The following TCAF1 variants were observed in gnomAD, a reference collection of about 807,000 sequenced individuals.
TCAF1 encodes the protein TRPM8 channel-associated factor 1.
Under a neutral mutation model 27.3 loss-of-function variants are expected in TCAF1, and 4 were observed. That is an observed-to-expected ratio of 0.15 (90% CI 0.07 to 0.34). The LOEUF (loss-of-function observed/expected upper bound fraction) is 0.34, where lower values mean the gene tolerates loss of function less well. Ranked by LOEUF, TCAF1 falls within the 10% of genes least tolerant of loss-of-function variation. TCAF1 has a pLI of 1.00. For missense variants in TCAF1, 257 were observed against 425.8 expected, an observed-to-expected ratio of 0.60 and a Z score of 3.49; for synonymous variants, 105 against 167.1, an observed-to-expected ratio of 0.63 and a Z score of 2.87.
At chr7:143,888,231 A>G (rs1466056409) in intron 1 of TCAF1, among the ~76,000 whole-genome samples, 1 of 152,230 alleles carries the variant, frequency 6.6e-6, no homozygotes, top group Non-Finnish European at 1.5e-5. Context: ...ATAGGAAAGT[A>G]GAGAGTACAC....
At chr7:143,881,151 G>T (rs1410423655) in intron 1 of TCAF1, among the ~76,000 whole-genome samples, 1 of 152,200 alleles carries the variant, frequency 6.6e-6, no homozygotes, top group Non-Finnish European at 1.5e-5. Context: ...GGAGGGCCAT[G>T]CTGGATGCTG....
chr7:143,883,605 A>G (rs1813222412), intron 1 of TCAF1, among the ~76,000 whole-genome samples: 2 of 142,858 alleles, frequency 1.4e-5, no homozygotes, highest in Admixed American at 1.5e-4. Flanking sequence ...TCCCGAGTTC[A>G]AGAGATTCTC....
At chr7:143,885,509 AG>A in intron 1 of TCAF1, 2 of 985,448 alleles carry the variant, frequency 2.0e-6, no homozygotes, top group South Asian at 4.7e-5. Context: ...ATGGAGACCC[AG>A]ACGCCCGCCC....
rs1311016918 is a variant in TCAF1 at position 143,851,666 on chromosome 7, G to A, written c.*2467C>T. On this transcript the variant is annotated 3_prime_UTR_variant, in exon 9 of 9. Coordinates refer to ENST00000479870, the MANE Select transcript of TCAF1 (RefSeq NM_014719.3). ...AGATAAGGATTTAACTTACACTATC[G>A]CCACTTTCCTTTGTCCATCTCTCTC... The A allele has an allele frequency of 2.4e-4, 36 of 152,048 alleles. No individual in the cohort carries two copies. Among genetic ancestry groups the A allele is most frequent in the South Asian group, 6.2e-4 (3 of 4,816 alleles). The allele number at this position is 152,048 out of a possible 1,614,324, so 9.4% of individuals were successfully genotyped here. A position where few individuals can be genotyped will look rare whatever the true frequency, so the allele number is the denominator to read the frequency against.
intron 1 of TCAF1, among the ~76,000 whole-genome samples, chr7:143,879,908 C>A (rs569348473): frequency 6.6e-6 from 1 of 151,992 alleles, no homozygotes; most frequent in Non-Finnish European, 1.5e-5. Context: ...AACGCTGGCA[C>A]GAGTACAAGC....
intron 2 of TCAF1, among the ~76,000 whole-genome samples, chr7:143,875,193 T>A (rs17164396): frequency 1.8e-4 from 27 of 152,006 alleles, no homozygotes; most frequent in Middle Eastern, 6.3e-3. Flanking sequence ...CTGAGAATGC[T>A]GAGAGTTTTA....
intron 1 of TCAF1, among the ~76,000 whole-genome samples, chr7:143,888,992 A>G (rs1472558418): frequency 6.6e-6 from 1 of 152,154 alleles, no homozygotes; most frequent in African/African-American, 2.4e-5. Context: ...AAAACTAGAA[A>G]TTAAAAAATA....
intron 1 of TCAF1, 122 bp downstream of exon 1, chr7:143,901,838 AG>A (rs1391203062): frequency 1.3e-5 from 2 of 152,216 alleles, no homozygotes; most frequent in African/African-American, 4.8e-5. Context: ...AGACGAAGGA[AG>A]GGATCCTCGG....
intron 6 of TCAF1, among the ~76,000 whole-genome samples, chr7:143,859,956 CGGA>C (rs1563211642): frequency 9.5e-5 from 4 of 41,970 alleles, no homozygotes; most frequent in African/African-American, 4.9e-4. Context: ...ATATATATTA[CGGA>C]ATATATATTA....
At chr7:143,876,897 G>A in intron 1 of TCAF1, among the ~76,000 whole-genome samples, 1 of 152,170 alleles carries the variant, frequency 6.6e-6, no homozygotes, top group East Asian at 1.9e-4. Context: ...AAGGAATTGT[G>A]TCCCCCAAAG....
rs1811347327 is a variant in TCAF1, at chr7:143,852,402, A to G, written c.*1731T>C. ...CACTCTAGAATGAGACATCCTAAGT[A>G]AGGTCCACTGTTTTATGGATCCCAT... On this transcript the variant is annotated 3_prime_UTR_variant, in exon 9 of 9. Transcript: ENST00000479870. 1 of 152,340 alleles carries G rather than the reference A, an allele frequency of 6.6e-6. No individual in the cohort carries two copies. Among genetic ancestry groups the G allele is most frequent in the Admixed American group, 6.6e-5 (1 of 15,242 alleles). 9.4% of individuals were successfully genotyped at this position (152,340 alleles called of 1,614,324 possible). A position where few individuals can be genotyped will look rare whatever the true frequency, so the allele number is the denominator to read the frequency against.
rs1339440534 is a variant in TCAF1 at position 143,859,900 on chromosome 7, T to C, written c.2167+308A>G. On this transcript the variant is annotated intron_variant, in intron 6 of 8. Coordinates refer to ENST00000479870, the MANE Select transcript of TCAF1 (RefSeq NM_014719.3). ...ATATACATATATATAATATATATTA[T>C]ATAATATATATTACGGAATATATAT... Among the ~76,000 whole-genome samples, 78 of 57,582 alleles carry C rather than the reference T, an allele frequency of 1.4e-3. 3 individuals are homozygous for C. Among genetic ancestry groups the C allele is most frequent in the South Asian group, 4.3e-3 (7 of 1,632 alleles). 37.8% of individuals were successfully genotyped at this position (57,582 alleles called of 152,430 possible).
rs1491329374 is a variant in TCAF1, at chr7:143,859,944, TAA to T, written c.2167+262_2167+263del. ...TATATATTATATAATATATATTATATAATATATATTACGGAATATATATTATA... is the reference window on the plus strand; with the variant it reads ...TATATATTATATAATATATATTATATTATATATTACGGAATATATATTATA... On this transcript the variant is annotated intron_variant, in intron 6 of 8. Transcript: ENST00000479870. Among the ~76,000 whole-genome samples, 47 of 57,812 alleles carry T rather than the reference TAA, an allele frequency of 8.1e-4. 1 individual carries two copies. Among genetic ancestry groups the T allele is most frequent in the Non-Finnish European group, 1.3e-3 (41 of 30,572 alleles). 37.9% of individuals were successfully genotyped at this position (57,812 alleles called of 152,430 possible).
intron 1 of TCAF1, among the ~76,000 whole-genome samples, chr7:143,895,964 A>G (rs1028922200): frequency 6.6e-6 from 1 of 151,234 alleles, no homozygotes; most frequent in African/African-American, 2.4e-5. Context: ...GGAAAGAAAC[A>G]TAAAAGGCAG....
chr7:143,887,644 C>G (rs1299642453), intron 1 of TCAF1, among the ~76,000 whole-genome samples: 1 of 152,184 alleles, frequency 6.6e-6, no homozygotes, highest in Non-Finnish European at 1.5e-5. Flanking sequence ...CTGGAAACTA[C>G]TCAAATCCTA....
chr7:143,875,571 TAG>T (rs1442722791), intron 2 of TCAF1, among the ~76,000 whole-genome samples: 1 of 152,212 alleles, frequency 6.6e-6, no homozygotes, highest in African/African-American at 2.4e-5. Context: ...CTCATCTGGA[TAG>T]ACATTTCAAA....
chr7:143,883,597 C>G (rs1202284256), intron 1 of TCAF1, among the ~76,000 whole-genome samples: 1 of 150,142 alleles, frequency 6.7e-6, no homozygotes, highest in Non-Finnish European at 1.5e-5. Context: ...CCTCCGCCTC[C>G]CGAGTTCAAG....
intron 1 of TCAF1, among the ~76,000 whole-genome samples, chr7:143,890,245 G>A (rs1006956394): frequency 9.3e-5 from 14 of 151,072 alleles, no homozygotes; most frequent in African/African-American, 2.2e-4. Flanking sequence ...CTTGTGATCC[G>A]CCCGCCTCGG....
chr7:143,899,518 G>C (rs1814026983), intron 1 of TCAF1, among the ~76,000 whole-genome samples: 1 of 152,066 alleles, frequency 6.6e-6, no homozygotes, highest in Admixed American at 6.6e-5. Context: ...ATTGCCAAAG[G>C]CAAAACTATA....
Sources: gnomAD v4.1 joint callset for allele counts (sites outside exome capture counted in the v4.1 genomes callset) on GRCh38, gnomAD v4.1.1 for gene constraint, MANE v1.5 for transcripts, NCBI Gene and HGNC (gene_info 2026-07-23, HGNC 2026-07-21) for gene names.